Variants in WDR37 observed in about 807,000 individuals in gnomAD.
WDR37 encodes the protein WD repeat domain 37.
A neutral mutation model predicts 62.9 loss-of-function variants in WDR37; 19 were observed. The ratio of observed to expected loss-of-function variants is 0.30; its 90% CI spans 0.21 to 0.44. WDR37 has a LOEUF of 0.44. Among genes scored for constraint, WDR37 ranks in the 20% least tolerant of loss-of-function variants. The pLI is 1.00. For missense variants in WDR37, 474 were observed against 657.6 expected (o/e 0.72, Z 3.05); for synonymous variants, 250 against 260.9 (o/e 0.96, Z 0.40).
rs578074317 is a variant in WDR37 at position 1,067,342 on chromosome 10, A to G, written c.-40-4774A>G. Reference sequence around the variant, plus strand: ...GATGTGAAACAGAAAACTATAAAAAATTCAGGAGAAACAGGAGAAAATGTT... The same window carrying G: ...GATGTGAAACAGAAAACTATAAAAAGTTCAGGAGAAACAGGAGAAAATGTT... On this transcript the variant is annotated intron_variant, in intron 1 of 13. Transcript: ENST00000263150. Among the ~76,000 whole-genome samples the G allele has an allele frequency of 1.4e-3, 219 of 152,342 alleles. 1 individual carries two copies. Among genetic ancestry groups the G allele is most frequent in the African/African-American group, 5.2e-3 (216 of 41,584 alleles).
At chr10:1,108,987 G>C (rs1835122523) in intron 11 of WDR37, among the ~76,000 whole-genome samples, 1 of 152,230 alleles carries the variant, frequency 6.6e-6, no homozygotes, top group South Asian at 2.1e-4. Flanking sequence ...TGCTGTGCCT[G>C]TCCCCTTTGA....
chr10:1,108,843 G>A (rs546569335), intron 11 of WDR37, among the ~76,000 whole-genome samples: 1 of 151,434 alleles, frequency 6.6e-6, no homozygotes, highest in Admixed American at 6.6e-5. Context: ...CATTGACTCT[G>A]GTCATCTGTA....
chr10:1,074,200 T>A (rs545778260), intron 2 of WDR37, among the ~76,000 whole-genome samples: 36 of 152,330 alleles, frequency 2.4e-4, no homozygotes, highest in African/African-American at 8.7e-4. Flanking sequence ...TTTTCCTAAT[T>A]TGTAGGTTCA....
At chr10:1,077,445 G>C (rs1174476927) in intron 2 of WDR37, among the ~76,000 whole-genome samples, 5 of 152,156 alleles carry the variant, frequency 3.3e-5, no homozygotes, top group African/African-American at 9.7e-5. Context: ...GAGAGTGACT[G>C]TGCTTTTGCT....
rs1835563776 is a variant in WDR37, at chr10:1,121,077, G to A, written c.1104-3141G>A. 6.6e-6 allele frequency among the ~76,000 whole-genome samples: 1 copy of A among 152,222 alleles called. No individual in the cohort carries two copies. On this transcript the variant is annotated intron_variant, in intron 11 of 13. Transcript: ENST00000263150. This position sits in a 1 kb window ranked among gnomAD's most constrained non-coding sequence, Gnocchi z 4.5. ...AGCGTCGGAACCATTTCCAGTGCAC[G>A]GCCGTGCGCGCCAGCCTCCCCATGG...
intron 1 of WDR37, among the ~76,000 whole-genome samples, chr10:1,063,966 G>GA (rs1833457070): frequency 6.6e-6 from 1 of 152,190 alleles, no homozygotes; most frequent in African/African-American, 2.4e-5. Context: ...ACCTCAGTAA[G>GA]AAAAGACCAC....
chr10:1,121,009 G>A lies in WDR37; in HGVS notation c.1104-3209G>A, dbSNP rs943580549. On this transcript the variant is annotated intron_variant, in intron 11 of 13. Coordinates refer to ENST00000263150, the MANE Select transcript of WDR37 (RefSeq NM_014023.4). This position sits in a 1 kb window ranked among gnomAD's most constrained non-coding sequence, Gnocchi z 4.5. ...ACTGTCAGCTGGAGGAGCACGCTCG[G>A]CTGCCCCACACGACAAGATAAATGA... Among the ~76,000 whole-genome samples the A allele has an allele frequency of 2.6e-5, 4 of 152,136 alleles. No homozygotes were observed. The highest frequency in any genetic ancestry group is 4.4e-5 in the Non-Finnish European group (3 of 68,022).
At chr10:1,126,272 G>A (rs574133932) in intron 13 of WDR37, among the ~76,000 whole-genome samples, 106 of 152,082 alleles carry the variant, frequency 7.0e-4, no homozygotes, top group South Asian at 1.7e-3. Context: ...CAGGCGTGGT[G>A]GCGGGCGTCT....
chr10:1,060,723 CACATA>C (rs1833348330), intron 1 of WDR37, among the ~76,000 whole-genome samples: 1 of 152,160 alleles, frequency 6.6e-6, no homozygotes. Flanking sequence ...AATCGGGTGC[CACATA>C]ACAAATGATG....
intron 13 of WDR37, 50 bp downstream of exon 13, chr10:1,125,074 G>T (rs1438384719): frequency 5.7e-6 from 9 of 1,587,520 alleles, no homozygotes; most frequent in Non-Finnish European, 6.0e-6. Context: ...AGGAGGACGG[G>T]TAGAGATATT....
At chr10:1,064,496 G>A (rs933731590) in intron 1 of WDR37, among the ~76,000 whole-genome samples, 34 of 149,776 alleles carry the variant, frequency 2.3e-4, no homozygotes, top group Non-Finnish European at 8.9e-5. Flanking sequence ...GACACATCCA[G>A]GCCAACTTCT....
At chr10:1,111,519 G>A (rs1002497777) in intron 11 of WDR37, among the ~76,000 whole-genome samples, 3 of 152,176 alleles carry the variant, frequency 2.0e-5, no homozygotes, top group Admixed American at 6.5e-5. Context: ...CCCCTGAAAC[G>A]TGTGGTCATT....
At chr10:1,100,168 G>A (rs920708039) in intron 9 of WDR37, among the ~76,000 whole-genome samples, 2 of 152,220 alleles carry the variant, frequency 1.3e-5, no homozygotes. Flanking sequence ...CTTTGCTTGT[G>A]TTGGGTGAGT....
chr10:1,126,177 G>A lies in WDR37; in HGVS notation c.1353+1153G>A, dbSNP rs560855579. Among the ~76,000 whole-genome samples the A allele has an allele frequency of 1.5e-3, 221 of 152,210 alleles. 1 individual carries two copies. The highest frequency in any genetic ancestry group is 2.7e-3 in the African/African-American group (114 of 41,502). ...TCGTAGCACTTTGGGAGGCTGAGGC[G>A]GGCAGATCACGAGGTCAGGAGATCG... On this transcript the variant is annotated intron_variant, in intron 13 of 13. Coordinates refer to ENST00000263150, the MANE Select transcript of WDR37 (RefSeq NM_014023.4).
At position 1,129,293 on chromosome 10, in the gene WDR37, G is replaced by A. The variant is rs1369676250; in HGVS notation, c.1434G>A (p.Arg478=). ...VCNLFTCGFD[R]QAIGWNINIP... is the part of the protein sequence containing the mutation. ...ATCTGTTCACCTGTGGGTTTGACCGGCAAGCCATTGGTTGGAACATCAACA... is the reference window on the plus strand; with the variant it reads ...ATCTGTTCACCTGTGGGTTTGACCGACAAGCCATTGGTTGGAACATCAACA... Residue 478 remains arginine (R), a synonymous_variant, in exon 14 of 14, where the codon CGG becomes CGA. Coordinates refer to ENST00000263150, the MANE Select transcript of WDR37 (RefSeq NM_014023.4). The A allele has an allele frequency of 6.2e-7, 1 of 1,613,988 alleles. No homozygotes were observed. Among genetic ancestry groups the A allele is most frequent in the Non-Finnish European group, 8.5e-7 (1 of 1,180,028 alleles).
At chr10:1,114,595 A>C (rs1835328157) in intron 11 of WDR37, among the ~76,000 whole-genome samples, 1 of 152,230 alleles carries the variant, frequency 6.6e-6, no homozygotes, top group Non-Finnish European at 1.5e-5. Context: ...ATGCACCGGA[A>C]AACCAGACAG....
At chr10:1,109,345 G>A (rs1835134290) in intron 11 of WDR37, among the ~76,000 whole-genome samples, 1 of 152,252 alleles carries the variant, frequency 6.6e-6, no homozygotes, top group African/African-American at 2.4e-5. Context: ...TTGATTGCAA[G>A]TGCATGTTTT....
rs538654296 is a variant in WDR37, at chr10:1,066,358, C to T, written c.-40-5758C>T. Among the ~76,000 whole-genome samples, 171 of 152,268 alleles carry T rather than the reference C, an allele frequency of 1.1e-3. 3 individuals are homozygous for T. The East Asian group carries it at 0.026, about 24-fold the overall frequency. ...GTCTCGAAGTCCTGACCTTGTGATCCGTCCACCTTGACCTCCCAAAGTGCT... is the reference window on the plus strand; with the variant it reads ...GTCTCGAAGTCCTGACCTTGTGATCTGTCCACCTTGACCTCCCAAAGTGCT... On this transcript the variant is annotated intron_variant, in intron 1 of 13. Transcript: ENST00000263150.
intron 11 of WDR37, among the ~76,000 whole-genome samples, chr10:1,108,469 C>T (rs763546778): frequency 5.9e-5 from 9 of 152,304 alleles, no homozygotes; most frequent in Admixed American, 1.3e-4. Context: ...GTTAAGATGG[C>T]GTCTGCAGGT....
Sources: allele counts gnomAD v4.1 joint callset (sites outside exome capture counted in the v4.1 genomes callset), GRCh38; gene constraint gnomAD v4.1.1; non-coding constraint Gnocchi (gnomAD v3.1); transcripts MANE v1.5; gene names NCBI Gene and HGNC (gene_info 2026-07-23, HGNC 2026-07-21).